CLCN3: variants seen among roughly 807,000 people sequenced by gnomAD.
The protein encoded by CLCN3 is Cl-/H+ antiporter 3.
A neutral mutation model predicts 83.4 loss-of-function variants in CLCN3; 16 were observed. The observed-to-expected ratio is 0.19, with a 90% confidence interval of 0.13 to 0.29. CLCN3 has a LOEUF of 0.29. CLCN3 is among the 10% of genes least tolerant of loss of function. CLCN3 has a pLI of 1.00. For synonymous variants in CLCN3, 322 were observed against 346.2 expected (o/e 0.93, Z 0.78); for missense variants, 544 against 1,006.0 (o/e 0.54, Z 6.21).
At chr4:169,662,272 T>C (rs762383984) in intron 2 of CLCN3, among the ~76,000 whole-genome samples, 1 of 152,172 alleles carries the variant, frequency 6.6e-6, no homozygotes, top group Non-Finnish European at 1.5e-5. Flanking sequence ...TCTTTATCCC[T>C]TGATGAGACT....
intron 2 of CLCN3, among the ~76,000 whole-genome samples, chr4:169,672,958 C>T (rs762714274): frequency 5.3e-5 from 8 of 152,074 alleles, no homozygotes; most frequent in Non-Finnish European, 1.0e-4. Flanking sequence ...CCACCGCGCC[C>T]GGCTGTAAGT....
rs1733631569 is a variant in CLCN3, at chr4:169,721,320, C to G, written c.*1323C>G. The G allele has an allele frequency of 6.6e-6, 1 of 152,032 alleles. No homozygotes were observed. Among genetic ancestry groups the G allele is most frequent in the South Asian group, 2.1e-4 (1 of 4,820 alleles). The allele number at this position is 152,032 out of a possible 1,614,324, so 9.4% of individuals were successfully genotyped here. On this transcript the variant is annotated 3_prime_UTR_variant, in exon 13 of 13. Transcript: ENST00000513761. The stretch of plus-strand genomic sequence containing the variant: ...ATATGAACAAAGTTTACAGTGGGAA[C>G]AAAGGTTTAAAAAAAGGTTGTGGTT...
chr4:169,646,074 T>C (rs576840976), intron 2 of CLCN3, among the ~76,000 whole-genome samples: 2 of 152,336 alleles, frequency 1.3e-5, no homozygotes, highest in South Asian at 4.1e-4. Context: ...TTCTTATTTT[T>C]TTCTATTTCC....
intron 9 of CLCN3, chr4:169,702,795 A>AAAAAAAAG (rs1560869291): frequency 6.6e-6 from 2 of 300,926 alleles, no homozygotes; most frequent in South Asian, 5.5e-5. Flanking sequence ...AAAAAAAAAA[A>AAAAAAAAG]AAGAAAGCCA....
At chr4:169,643,429 C>T (rs879724042) in intron 2 of CLCN3, among the ~76,000 whole-genome samples, 10 of 152,054 alleles carry the variant, frequency 6.6e-5, no homozygotes, top group Non-Finnish European at 8.8e-5. Context: ...GGGGTTTCAC[C>T]ATGTTAGTCA....
intron 2 of CLCN3, among the ~76,000 whole-genome samples, chr4:169,659,052 C>T (rs768809997): frequency 5.3e-5 from 8 of 152,020 alleles, no homozygotes; most frequent in Non-Finnish European, 1.2e-4. Context: ...ACTTTCAGTT[C>T]GAGTGGACCT....
At chr4:169,682,191 G>A (rs1310924017) in intron 3 of CLCN3, among the ~76,000 whole-genome samples, 2 of 152,074 alleles carry the variant, frequency 1.3e-5, no homozygotes, top group Admixed American at 1.3e-4. Context: ...ACTGATTTAT[G>A]TGGATCTTTT....
At chr4:169,705,644 G>A (rs947976049) in intron 10 of CLCN3, among the ~76,000 whole-genome samples, 1 of 152,148 alleles carries the variant, frequency 6.6e-6, no homozygotes, top group African/African-American at 2.4e-5. Context: ...CTGGTATAGG[G>A]TAGGTATGTA....
chr4:169,677,669 T>C (rs1026512827), intron 2 of CLCN3, among the ~76,000 whole-genome samples: 54 of 152,230 alleles, frequency 3.5e-4, no homozygotes, highest in African/African-American at 1.2e-3. Context: ...TCTGTGTATG[T>C]TAAATTTTGT....
At chr4:169,624,562 C>T (rs1423458761) in intron 1 of CLCN3, among the ~76,000 whole-genome samples, 1 of 152,156 alleles carries the variant, frequency 6.6e-6, no homozygotes, top group Admixed American at 6.5e-5. Context: ...AGCCACTGCA[C>T]TGGGCTGGAA....
intron 11 of CLCN3, among the ~76,000 whole-genome samples, chr4:169,712,339 A>AT (rs567526271): frequency 1.9e-4 from 28 of 146,976 alleles, no homozygotes; most frequent in East Asian, 5.9e-4. Context: ...CTTGTCTAGC[A>AT]TTTTTTTTTT....
At chr4:169,699,951 G>A (rs572058141) in intron 9 of CLCN3, among the ~76,000 whole-genome samples, 3 of 152,086 alleles carry the variant, frequency 2.0e-5, no homozygotes, top group Admixed American at 6.5e-5. Flanking sequence ...TTTTTTCTTA[G>A]GGAATCAAGT....
intron 1 of CLCN3, among the ~76,000 whole-genome samples, chr4:169,626,585 A>C (rs1415015843): frequency 6.6e-6 from 1 of 152,230 alleles, no homozygotes; most frequent in Admixed American, 6.5e-5. Flanking sequence ...GTGGAAGATT[A>C]GAGTTCTGCC....
intron 1 of CLCN3, among the ~76,000 whole-genome samples, chr4:169,634,214 C>T (rs1295348981): frequency 6.6e-6 from 1 of 152,220 alleles, no homozygotes; most frequent in East Asian, 1.9e-4. Flanking sequence ...AGTATTAACA[C>T]ATAAAAAGGT....
chr4:169,717,970 A>C, intron 12 of CLCN3: 1 of 669,302 alleles, frequency 1.5e-6, no homozygotes, highest in Non-Finnish European at 2.7e-6. Context: ...CTGCTGAACA[A>C]AAATATCCTA....
chr4:169,709,296 T>G (rs997785014), intron 11 of CLCN3, among the ~76,000 whole-genome samples: 1 of 151,676 alleles, frequency 6.6e-6, no homozygotes, highest in Non-Finnish European at 1.5e-5. Context: ...ATTCTCCTGT[T>G]TCATACTAAA....
intron 9 of CLCN3, among the ~76,000 whole-genome samples, chr4:169,699,500 C>T (rs1384541401): frequency 2.6e-5 from 4 of 152,126 alleles, no homozygotes; most frequent in Non-Finnish European, 5.9e-5. Flanking sequence ...AGCTTTGTTT[C>T]TACAAAATTA....
intron 8 of CLCN3, among the ~76,000 whole-genome samples, chr4:169,696,151 G>A (rs1201460772): frequency 6.6e-5 from 10 of 151,962 alleles, no homozygotes; most frequent in Admixed American, 2.0e-4. Context: ...GTGCAATGGC[G>A]CGATCTTGGC....
rs60739106 is a variant in CLCN3, at chr4:169,668,043, A to ATTT, written c.161-11986_161-11984dup. Among the ~76,000 whole-genome samples, 335 of 82,154 alleles carry ATTT rather than the reference A, an allele frequency of 4.1e-3. 5 individuals carry two copies. Among genetic ancestry groups the ATTT allele is most frequent in the South Asian group, 6.6e-3 (15 of 2,268 alleles). The allele number at this position is 82,154 out of a possible 152,430, so 53.9% of individuals were successfully genotyped here. On this transcript the variant is annotated intron_variant, in intron 2 of 12. Transcript: ENST00000513761. ...TGTGAGCCACCGCGCCCGGCCAGACATTTTTTTTTTTTTTTTTTTTTTTGC... is the reference window on the plus strand; with the variant it reads ...TGTGAGCCACCGCGCCCGGCCAGACATTTTTTTTTTTTTTTTTTTTTTTTTTGC...
Sources: allele counts gnomAD v4.1 joint callset (sites outside exome capture counted in the v4.1 genomes callset), GRCh38; gene constraint gnomAD v4.1.1; transcripts MANE v1.5; gene names NCBI Gene and HGNC (gene_info 2026-07-23, HGNC 2026-07-21).